The following AKAP6 variants were observed in gnomAD, a reference collection of about 807,000 sequenced individuals.
AKAP6 encodes A-kinase anchor protein 6.
AKAP6 carries 58 observed loss-of-function variants against 188.5 expected under a neutral mutation model. The observed-to-expected ratio is 0.31, with a 90% CI of 0.25 to 0.38. AKAP6 has a LOEUF of 0.38. Among genes scored for constraint, AKAP6 ranks in the 10% least tolerant of loss-of-function variants. The probability of loss-of-function intolerance (pLI) is 1.00; values close to 1 mark genes in which losing one functional copy is unlikely to be tolerated. For synonymous variants in AKAP6, 989 were observed against 998.6 expected (o/e 0.99, Z 0.18); for missense variants, 2,710 against 2,740.0 (o/e 0.99, Z 0.24).
chr14:32,560,773 T>C (rs1035325819), intron 4 of AKAP6, among the ~76,000 whole-genome samples: 1 of 152,232 alleles, frequency 6.6e-6, no homozygotes, highest in Admixed American at 6.5e-5. Flanking sequence ...GGAACTTTAG[T>C]GAATTATTCT....
chr14:32,683,832 T>A lies in AKAP6; in HGVS notation c.2879+5373T>A, dbSNP rs949070872. Among the ~76,000 whole-genome samples, 33 of 152,194 alleles carry A rather than the reference T, an allele frequency of 2.2e-4. 1 individual carries two copies. The highest frequency in any genetic ancestry group is 2.1e-3 in the Admixed American group (32 of 15,282). Reference sequence around the variant, plus strand: ...GATTGGTTAGGCCTAGGCTAGACAGTGCTCAGATAAGAGGCTCTTCCAGTC... The same window carrying A: ...GATTGGTTAGGCCTAGGCTAGACAGAGCTCAGATAAGAGGCTCTTCCAGTC... On this transcript the variant is annotated intron_variant, in intron 8 of 13. Coordinates refer to ENST00000280979, the MANE Select transcript of AKAP6 (RefSeq NM_004274.5).
At position 32,578,073 on chromosome 14, in the gene AKAP6, A is replaced by G. The variant is rs555203348; in HGVS notation, c.2469+831A>G. 3.9e-5 allele frequency among the ~76,000 whole-genome samples: 6 copies of G among 152,186 alleles called. No individual in the cohort carries two copies. The East Asian group carries it at 9.7e-4, about 25-fold the overall frequency. On this transcript the variant is annotated intron_variant, in intron 5 of 13. Coordinates refer to ENST00000280979, the MANE Select transcript of AKAP6 (RefSeq NM_004274.5). ...ATGAACATGAATCCTTGGGTACTCA[A>G]CTGTGGGGTTGATTTTCTGCCCCTC...
intron 9 of AKAP6, among the ~76,000 whole-genome samples, chr14:32,712,469 A>G (rs532848743): frequency 6.6e-6 from 1 of 152,140 alleles, no homozygotes; most frequent in Non-Finnish European, 1.5e-5. Flanking sequence ...TGTACCATAC[A>G]ATGCCGTTTG....
At chr14:32,652,841 C>A (rs1342897289) in intron 7 of AKAP6, among the ~76,000 whole-genome samples, 2 of 152,028 alleles carry the variant, frequency 1.3e-5, no homozygotes, top group Non-Finnish European at 2.9e-5. Flanking sequence ...ATACTTGAAC[C>A]CAGGAGTTTG....
chr14:32,358,681 G>C (rs528636393), intron 1 of AKAP6, among the ~76,000 whole-genome samples: 16 of 152,248 alleles, frequency 1.1e-4, no homozygotes, highest in African/African-American at 3.9e-4. Flanking sequence ...TTGTAGATGG[G>C]CTTGCTTACT....
chr14:32,474,989 G>A (rs981964617), intron 2 of AKAP6, among the ~76,000 whole-genome samples: 5 of 152,122 alleles, frequency 3.3e-5, no homozygotes, highest in African/African-American at 1.2e-4. Flanking sequence ...GACACAGGAA[G>A]TATATTTCTT....
At chr14:32,582,455 A>G (rs1885020990) in intron 5 of AKAP6, among the ~76,000 whole-genome samples, 1 of 151,322 alleles carries the variant, frequency 6.6e-6, no homozygotes, top group African/African-American at 2.4e-5. Context: ...ACTTTGGTGA[A>G]TCTGACAATT....
At chr14:32,621,786 A>G (rs1886825127) in intron 7 of AKAP6, among the ~76,000 whole-genome samples, 1 of 152,206 alleles carries the variant, frequency 6.6e-6, no homozygotes, top group South Asian at 2.1e-4. Flanking sequence ...ACCCACTATT[A>G]TTATGTTGCT....
At chr14:32,605,155 T>C (rs945499215) in intron 7 of AKAP6, among the ~76,000 whole-genome samples, 9 of 152,134 alleles carry the variant, frequency 5.9e-5, no homozygotes, top group Non-Finnish European at 1.3e-4. Flanking sequence ...TTTTAATAAA[T>C]TATAAATAAT....
chr14:32,762,817 G>A (rs1305136490), intron 11 of AKAP6, among the ~76,000 whole-genome samples: 1 of 151,992 alleles, frequency 6.6e-6, no homozygotes, highest in Non-Finnish European at 1.5e-5. Flanking sequence ...GATTCAACTT[G>A]ATTGGTGAGT....
rs376967820 is a variant in AKAP6 at position 32,341,375 on chromosome 14, T to C, written c.-35+11967T>C. Among the ~76,000 whole-genome samples the C allele has an allele frequency of 6.6e-5, 10 of 152,282 alleles. 1 individual carries two copies. In the South Asian group the frequency reaches 1.9e-3, roughly 28 times the overall value. On this transcript the variant is annotated intron_variant, in intron 1 of 13. Transcript: ENST00000280979. ...GTCAAACGGTATGGAATTTCCATTG[T>C]TGTTGTCAAAAAATGGCCAAATATT...
At position 32,743,996 on chromosome 14, in the gene AKAP6, G is replaced by A. The variant is rs2031785540; in HGVS notation, c.3372+8114G>A. The stretch of plus-strand genomic sequence containing the variant: ...TGATGAAATCCCTCAGCTTTTGTTT[G>A]TTTGGGAAAGTCTCTATTTCTACCT... On this transcript the variant is annotated intron_variant, in intron 11 of 13. Coordinates refer to ENST00000280979, the MANE Select transcript of AKAP6 (RefSeq NM_004274.5). 5.3e-5 allele frequency among the ~76,000 whole-genome samples: 8 copies of A among 152,140 alleles called. No homozygotes were observed. In the South Asian group the frequency reaches 1.7e-3, roughly 32 times the overall value.
At chr14:32,597,135 C>T (rs1012696718) in intron 5 of AKAP6, among the ~76,000 whole-genome samples, 2 of 152,154 alleles carry the variant, frequency 1.3e-5, no homozygotes, top group African/African-American at 2.4e-5. Flanking sequence ...CATCTTGAAG[C>T]AGAGCCAGTT....
intron 1 of AKAP6, among the ~76,000 whole-genome samples, chr14:32,330,528 A>G (rs1044054748): frequency 6.6e-6 from 1 of 152,008 alleles, no homozygotes; most frequent in Admixed American, 6.6e-5. Flanking sequence ...ATTGATCAAT[A>G]TGTCCACTTA....
intron 2 of AKAP6, among the ~76,000 whole-genome samples, chr14:32,525,004 A>G (rs1882047889): frequency 6.6e-6 from 1 of 150,590 alleles, no homozygotes; most frequent in Non-Finnish European, 1.5e-5. Context: ...TTCTACCTGA[A>G]ACACTGCTAA....
intron 8 of AKAP6, chr14:32,693,392 G>C (rs948847848): frequency 6.6e-6 from 1 of 152,184 alleles, no homozygotes; most frequent in Non-Finnish European, 1.5e-5. Flanking sequence ...CCTCTGTCAA[G>C]TTCACCAGCT....
intron 2 of AKAP6, among the ~76,000 whole-genome samples, chr14:32,488,223 T>C (rs1879808312): frequency 2.0e-5 from 3 of 152,196 alleles, no homozygotes; most frequent in Admixed American, 2.0e-4. Context: ...AGAGATGCCC[T>C]GCCCGGAGAG....
intron 4 of AKAP6, among the ~76,000 whole-genome samples, chr14:32,552,748 G>C (rs1186748502): frequency 6.6e-6 from 1 of 152,182 alleles, no homozygotes; most frequent in Non-Finnish European, 1.5e-5. Flanking sequence ...AAAAATTGAA[G>C]CTTATTTGAA....
In AKAP6 at chr14:32,568,478, C is replaced by A. The variant is rs1334735893; in HGVS notation, c.2347-8642C>A. Among the ~76,000 whole-genome samples, 2 of 152,062 alleles carry A rather than the reference C, an allele frequency of 1.3e-5. No individual in the cohort carries two copies. The highest frequency in any genetic ancestry group is 1.9e-4 in the East Asian group (1 of 5,194). On this transcript the variant is annotated intron_variant, in intron 4 of 13. Transcript: ENST00000280979. This position sits in a 1 kb window ranked among gnomAD's most constrained non-coding sequence, Gnocchi z 6.2. Reference sequence around the variant, plus strand: ...TATAATACTAGATATGAAAAACCTACAATTAAACCATTAAACTATCATAAT... The same window carrying A: ...TATAATACTAGATATGAAAAACCTAAAATTAAACCATTAAACTATCATAAT...
Sources: allele counts gnomAD v4.1 joint callset (sites outside exome capture counted in the v4.1 genomes callset), GRCh38; gene constraint gnomAD v4.1.1; non-coding constraint Gnocchi (gnomAD v3.1); transcripts MANE v1.5; gene names NCBI Gene and HGNC (gene_info 2026-07-23, HGNC 2026-07-21).